DMD: variants seen among roughly 807,000 people sequenced by gnomAD.
The protein encoded by DMD is mutant dystrophin.
A neutral mutation model predicts 330.1 loss-of-function variants in DMD; 63 were observed. That is an observed-to-expected ratio of 0.19 (90% CI 0.16 to 0.24). DMD has a LOEUF of 0.24. DMD is among the 10% of genes least tolerant of loss of function. The pLI is 1.00. For synonymous variants in DMD, 1,223 were observed against 959.8 expected (o/e 1.27, Z -5.07); for missense variants, 3,344 against 2,684.1 (o/e 1.25, Z -5.43).
intron 1 of DMD, among the ~76,000 whole-genome samples, 195 bp downstream of exon 1, chrX:33,211,087 A>T (rs975250647): frequency 1.8e-5 from 2 of 111,659 alleles, no homozygotes; most frequent in African/African-American, 6.5e-5. Context: ...TTTACACTCC[A>T]TTTCTGTTGA....
At chrX:32,308,880 G>A (rs1417581513) in intron 42 of DMD, among the ~76,000 whole-genome samples, 1 of 111,234 alleles carries the variant, frequency 9.0e-6, no homozygotes, top group Non-Finnish European at 1.9e-5. Flanking sequence ...GAATGACAAT[G>A]ATGCACTTAC....
intron 2 of DMD, among the ~76,000 whole-genome samples, chrX:32,924,958 G>A (rs145360055): frequency 1.6e-4 from 18 of 110,280 alleles, no homozygotes; most frequent in East Asian, 8.5e-4. Flanking sequence ...AAAATATTAA[G>A]ATGGAATATT....
At chrX:31,369,345 A>G (rs1602223991) in intron 60 of DMD, among the ~76,000 whole-genome samples, 1 of 112,286 alleles carries the variant, frequency 8.9e-6, no homozygotes, top group African/African-American at 3.2e-5. Flanking sequence ...TTCGGAAGCA[A>G]GAACAATATC....
At chrX:31,822,134 G>A (rs1364688537) in intron 49 of DMD, among the ~76,000 whole-genome samples, 1 of 112,078 alleles carries the variant, frequency 8.9e-6, no homozygotes, top group East Asian at 2.8e-4. Context: ...TTAGAACAGA[G>A]ATTTTAGGAA....
At chrX:31,263,633 T>C (rs930798347) in intron 62 of DMD, among the ~76,000 whole-genome samples, 1 of 111,720 alleles carries the variant, frequency 9.0e-6, no homozygotes, top group Admixed American at 9.5e-5. Context: ...TTGAATAACA[T>C]AGATAAATGA....
intron 9 of DMD, among the ~76,000 whole-genome samples, chrX:32,649,983 G>A (rs890798569): frequency 1.8e-5 from 2 of 110,957 alleles, no homozygotes; most frequent in African/African-American, 3.3e-5. Flanking sequence ...TGTGTTTGGG[G>A]GCCAAAGTTC....
chrX:32,336,760 A>G (rs12014214), intron 41 of DMD, among the ~76,000 whole-genome samples: 3,184 of 112,449 alleles, frequency 0.028, 106 homozygotes, highest in African/African-American at 0.097. Flanking sequence ...TATAGCACCT[A>G]TGCAAAATTC....
At chrX:32,503,240 A>C (rs142002769) in intron 18 of DMD, among the ~76,000 whole-genome samples, 3,258 of 111,248 alleles carry the variant, frequency 0.029, 117 homozygotes, top group African/African-American at 0.1. Flanking sequence ...TTAAAAAATT[A>C]GTCAGGCGTG....
At chrX:32,602,967 T>G (rs2056352160) in intron 12 of DMD, among the ~76,000 whole-genome samples, 1 of 111,361 alleles carries the variant, frequency 9.0e-6, no homozygotes, top group African/African-American at 3.3e-5. Context: ...CTCCTTAAAC[T>G]CTTTGAACAC....
chrX:31,658,177 CA>C lies in DMD; in HGVS notation c.7873-34del, dbSNP rs2080901313. ...TTTTTATGAGAAAGAGAATGAATGT[CA>C]GTTTTTTTTATGAAATCTCTAGTTG... On this transcript the variant is annotated intron_variant, in intron 53 of 78. Coordinates refer to ENST00000357033, the MANE Select transcript of DMD (RefSeq NM_004006.3). 2.5e-6 allele frequency: 3 copies of C among 1,201,430 alleles called. No homozygotes were observed. In the South Asian group the frequency reaches 5.3e-5, roughly 21 times the overall value.
intron 1 of DMD, among the ~76,000 whole-genome samples, chrX:33,267,838 T>G (rs1418932013): frequency 1.8e-5 from 2 of 111,764 alleles, no homozygotes; most frequent in African/African-American, 6.5e-5. Context: ...CCAGGATCAC[T>G]GGCTAGCCAT....
At chrX:32,651,168 G>T (rs1311158873) in intron 9 of DMD, among the ~76,000 whole-genome samples, 1 of 109,652 alleles carries the variant, frequency 9.1e-6, no homozygotes, top group African/African-American at 3.3e-5. Context: ...TTGAGATTGA[G>T]TATTGCTCTT....
chrX:32,594,286 G>C (rs1480751405), intron 13 of DMD, among the ~76,000 whole-genome samples: 2 of 111,368 alleles, frequency 1.8e-5, no homozygotes, highest in Non-Finnish European at 3.8e-5. Context: ...AAAGACAGCT[G>C]GCTATCCTTT....
chrX:31,358,381 C>T (rs2148561615), intron 60 of DMD, among the ~76,000 whole-genome samples: 1 of 111,503 alleles, frequency 9.0e-6, no homozygotes, highest in African/African-American at 3.3e-5. Context: ...ATCTGAGGTA[C>T]TTTATAAGCT....
chrX:32,769,747 G>A (rs2073396168), intron 7 of DMD, among the ~76,000 whole-genome samples: 1 of 109,837 alleles, frequency 9.1e-6, no homozygotes, highest in African/African-American at 3.3e-5. Flanking sequence ...TGGTACTACA[G>A]CTTATAGCCA....
At chrX:31,865,109 C>A (rs2093776023) in intron 48 of DMD, among the ~76,000 whole-genome samples, 1 of 111,803 alleles carries the variant, frequency 8.9e-6, no homozygotes, top group Non-Finnish European at 1.9e-5. Flanking sequence ...GTAGAAAAAA[C>A]AAAAAGTAAG....
chrX:33,033,554 C>CAAAAAAAAAAAAAAAAAAAAAAAAAAAA (rs775790760), intron 1 of DMD, among the ~76,000 whole-genome samples: 31 of 74,497 alleles, frequency 4.2e-4, no homozygotes, highest in Non-Finnish European at 5.3e-4. Flanking sequence ...ACTAAAAATA[C>CAAAAAAAAAAAAAAAAAAAAAAAAAAAA]AAAAAAAAAA....
chrX:33,021,931 T>C (rs2093921700), intron 1 of DMD, among the ~76,000 whole-genome samples: 1 of 111,494 alleles, frequency 9.0e-6, no homozygotes, highest in Admixed American at 9.6e-5. Context: ...TTCAAATCTT[T>C]ACTTTCATAA....
At chrX:32,687,608 G>A (rs2062977758) in intron 9 of DMD, among the ~76,000 whole-genome samples, 1 of 111,288 alleles carries the variant, frequency 9.0e-6, no homozygotes, top group Admixed American at 9.7e-5. Flanking sequence ...CCAGCCAACT[G>A]CCCTGGCTGA....
Sources: gnomAD v4.1 joint callset for allele counts (sites outside exome capture counted in the v4.1 genomes callset) on GRCh38, gnomAD v4.1.1 for gene constraint, MANE v1.5 for transcripts, NCBI Gene and HGNC (gene_info 2026-07-23, HGNC 2026-07-21) for gene names.